TOMM20L: variants seen among roughly 807,000 people sequenced by gnomAD.
TOMM20L encodes translocase of outer mitochondrial membrane 20 like, also known as TOMM20-like protein 1.
Under a neutral mutation model 20.4 loss-of-function variants are expected in TOMM20L, and 19 were observed. The ratio of observed to expected loss-of-function variants is 0.93; its 90% CI spans 0.65 to 1.36. The LOEUF is 1.36. Ranked by LOEUF, TOMM20L falls within the 40% of genes most tolerant of loss-of-function variation. The pLI is 0.00. For missense variants in TOMM20L, 218 were observed against 203.7 expected (o/e 1.07, Z -0.43); for synonymous variants, 75 against 79.6 (o/e 0.94, Z 0.30).
chr14:58,400,274 G>A (rs866041192), intron 2 of TOMM20L, among the ~76,000 whole-genome samples: 1 of 151,586 alleles, frequency 6.6e-6, no homozygotes, highest in African/African-American at 2.4e-5. Flanking sequence ...GCATGGTGGC[G>A]CACGCCTATA....
chr14:58,412,387 G>A (rs2036249658), downstream of TOMM20L, among the ~76,000 whole-genome samples: 1 of 152,180 alleles, frequency 6.6e-6, no homozygotes, highest in South Asian at 2.1e-4. Flanking sequence ...TGATCCGCCT[G>A]CCTCGGCTTC....
intron 3 of TOMM20L, among the ~76,000 whole-genome samples, chr14:58,406,848 G>A (rs1432218941): frequency 2.0e-5 from 3 of 151,958 alleles, no homozygotes; most frequent in Non-Finnish European, 2.9e-5. Flanking sequence ...TTTTTCCCTG[G>A]GGTATGTAAT....
At chr14:58,413,203 A>G (rs1260154024), downstream of TOMM20L, among the ~76,000 whole-genome samples, 2 of 152,176 alleles carry the variant, frequency 1.3e-5, no homozygotes, top group African/African-American at 4.8e-5. Flanking sequence ...CATCAGAAAT[A>G]CTTGGCCTAT....
In TOMM20L at chr14:58,398,770, TTAA is replaced by T. The variant is rs540739526; in HGVS notation, c.180+2436_180+2438del. On this transcript the variant is annotated intron_variant, in intron 2 of 4. Coordinates refer to ENST00000360945, the MANE Select transcript of TOMM20L (RefSeq NM_207377.3). ...ATTTATTGATATAAATCAATAATTATTAATAATAAATTGTTAATATTATTTCCC... is the reference window on the plus strand; with the variant it reads ...ATTTATTGATATAAATCAATAATTATTAATAAATTGTTAATATTATTTCCC... 9.2e-5 allele frequency: 14 copies of T among 151,772 alleles called. No homozygotes were observed. In the East Asian group the frequency reaches 1.2e-3, roughly 13 times the overall value. The allele number at this position is 151,772 out of a possible 1,614,324, so 9.4% of individuals were successfully genotyped here.
chr14:58,406,281 C>T (rs759898368), intron 3 of TOMM20L, among the ~76,000 whole-genome samples: 4 of 152,186 alleles, frequency 2.6e-5, no homozygotes, highest in Non-Finnish European at 5.9e-5. Context: ...TCAGAACAGG[C>T]ACCATTATAT....
At chr14:58,404,410 T>G (rs2036033043) in intron 3 of TOMM20L, among the ~76,000 whole-genome samples, 1 of 151,432 alleles carries the variant, frequency 6.6e-6, no homozygotes, top group Non-Finnish European at 1.5e-5. Flanking sequence ...ATTACAGGCG[T>G]GAGCCACCGC....
rs1397913760 is a variant in TOMM20L at position 58,407,426 on chromosome 14, G to C, written c.363G>C (p.Lys121Asn). 1.2e-6 allele frequency: 2 copies of C among 1,613,486 alleles called. No homozygotes were observed. The highest frequency in any genetic ancestry group is 1.1e-5 in the South Asian group (1 of 90,968). ...TTTTCAAACACACTCTCCCTCCCAA[G>C]GTATTTGAGATGCTGTTGCACAAAA... Reference protein sequence around the residue: ...LKVFKHTLPPKVFEMLLHKIP... With the variant: ...LKVFKHTLPPNVFEMLLHKIP... Residue 121 changes from lysine to asparagine, a missense_variant, in exon 4 of 5, where the codon AAG becomes AAC. By Grantham distance (94) the Lys-to-Asn change is moderately conservative. Transcript: ENST00000360945.
chr14:58,396,140 CGG>C, intron 1 of TOMM20L, 47 bp downstream of exon 1: 2 of 1,276,750 alleles, frequency 1.6e-6, no homozygotes, highest in Non-Finnish European at 9.9e-7. Context: ...GCAGCGCGGG[CGG>C]GCTGCCGGCC....
chr14:58,411,308 C>T (rs956609571), downstream of TOMM20L, among the ~76,000 whole-genome samples: 1 of 151,608 alleles, frequency 6.6e-6, no homozygotes, highest in Admixed American at 6.6e-5. Flanking sequence ...ATTAGCCAGG[C>T]GTGGTGGCGC....
At chr14:58,416,166 T>A in the TOMM20L span, among the ~76,000 whole-genome samples, 1 of 151,978 alleles carries the variant, frequency 6.6e-6, no homozygotes, top group Admixed American at 6.6e-5. Flanking sequence ...AGGCAGAGGT[T>A]GCAGTGAGCC....
Position 58,402,715 on chromosome 14 carries a change from AC to A in TOMM20L, c.217del (p.Leu73PhefsTer30), listed in dbSNP as rs751991962. On this transcript the variant is annotated frameshift_variant, in exon 3 of 5. Transcript: ENST00000360945. LOFTEE classifies it high-confidence loss of function. ...CAACGAAGAATAAAAAGTTGCAAGA[AC>A]TTTTCTTGCAAGAGGTACGGATGGG... ...DPTKNKKLQE[L>X]FLQEVRMGEL... 19 of 1,613,836 alleles carry A rather than the reference AC, an allele frequency of 1.2e-5. No individual in the cohort carries two copies. Among genetic ancestry groups the A allele is most frequent in the Non-Finnish European group, 1.5e-5 (18 of 1,179,894 alleles).
chr14:58,397,125 CA>C (rs1313154487), intron 2 of TOMM20L, among the ~76,000 whole-genome samples: 52 of 152,190 alleles, frequency 3.4e-4, no homozygotes, highest in Non-Finnish European at 1.5e-4. Flanking sequence ...AACTCCTGGC[CA>C]CAAGCAATCC....
At chr14:58,406,904 A>G (rs2036066889) in intron 3 of TOMM20L, among the ~76,000 whole-genome samples, 1 of 151,836 alleles carries the variant, frequency 6.6e-6, no homozygotes, top group South Asian at 2.1e-4. Context: ...AGTGAAATCT[A>G]TTTTTTTTAA....
At chr14:58,411,350 A>G (rs2036208655), downstream of TOMM20L, among the ~76,000 whole-genome samples, 1 of 151,888 alleles carries the variant, frequency 6.6e-6, no homozygotes, top group Admixed American at 6.6e-5. Flanking sequence ...CAGGAGGCTG[A>G]GGCAGGAGAA....
chr14:58,408,618 A>G lies in TOMM20L; in HGVS notation c.*36A>G, dbSNP rs1337650325. The G allele has an allele frequency of 1.9e-6, 3 of 1,593,056 alleles. No individual in the cohort carries two copies. Among genetic ancestry groups the G allele is most frequent in the South Asian group, 2.2e-5 (2 of 89,768 alleles). On this transcript the variant is annotated 3_prime_UTR_variant, in exon 5 of 5. Transcript: ENST00000360945. The stretch of plus-strand genomic sequence containing the variant: ...AACGTATCCACAGTCCAGTGAGAAT[A>G]CTATGGTACCATACAGTATAAACAA...
downstream of TOMM20L, among the ~76,000 whole-genome samples, chr14:58,410,488 T>C (rs745477947): frequency 2.0e-5 from 3 of 152,172 alleles, no homozygotes; most frequent in Non-Finnish European, 4.4e-5. Context: ...CTTTGTTTTT[T>C]CCAAAGCCAA....
chr14:58,404,718 T>C (rs1423917880), intron 3 of TOMM20L, among the ~76,000 whole-genome samples: 1 of 152,174 alleles, frequency 6.6e-6, no homozygotes, highest in Non-Finnish European at 1.5e-5. Context: ...TAATTTTTCA[T>C]TTAGTATTGA....
intron 3 of TOMM20L, 147 bp from the exon 4 acceptor site, chr14:58,407,179 T>C (rs1470808703): frequency 1.4e-6 from 1 of 696,090 alleles, no homozygotes; most frequent in Non-Finnish European, 2.3e-6. Context: ...TTCCTCATAT[T>C]TGTACTCTAC....
chr14:58,396,811 C>G (rs969307376), intron 2 of TOMM20L, among the ~76,000 whole-genome samples: 2 of 152,070 alleles, frequency 1.3e-5, no homozygotes, highest in Non-Finnish European at 2.9e-5. Context: ...TTTTAAGAGG[C>G]GGGCCGGGCT....
Sources: gnomAD v4.1 joint callset for allele counts (sites outside exome capture counted in the v4.1 genomes callset) on GRCh38, gnomAD v4.1.1 for gene constraint, MANE v1.5 for transcripts, NCBI Gene and HGNC (gene_info 2026-07-23, HGNC 2026-07-21) for gene names.